FAM20A: variants seen among roughly 807,000 people sequenced by gnomAD.
FAM20A encodes the protein FAM20A golgi associated secretory pathway pseudokinase, also known as pseudokinase FAM20A.
Under a neutral mutation model 52.0 loss-of-function variants are expected in FAM20A, and 42 were observed. The observed-to-expected ratio is 0.81, with a 90% CI of 0.63 to 1.04. The LOEUF (loss-of-function observed/expected upper bound fraction) is 1.04. FAM20A is among the 50% of genes least tolerant of loss of function. FAM20A has a pLI of 0.00. For missense variants in FAM20A, 742 were observed against 712.7 expected, an observed-to-expected ratio of 1.04 and a Z score of -0.47; for synonymous variants, 304 against 298.9, an observed-to-expected ratio of 1.02 and a Z score of -0.18.
Position 68,535,595 on chromosome 17 carries a change from T to C in FAM20A, c.*1882A>G. ...GTGAATGAAGTGGGGAGCCCTATGC[T>C]GCAGTAGGGCCACAACAGTTAAGGA... On this transcript the variant is annotated 3_prime_UTR_variant, in exon 11 of 11. Coordinates refer to ENST00000592554, the MANE Select transcript of FAM20A (RefSeq NM_017565.4). 1 of 454,096 alleles carries C rather than the reference T, an allele frequency of 2.2e-6. No homozygotes were observed. Among genetic ancestry groups the C allele is most frequent in the Middle Eastern group, 6.9e-4 (1 of 1,444 alleles). 28.1% of individuals were successfully genotyped at this position (454,096 alleles called of 1,614,324 possible).
chr17:68,567,573 CA>C (rs1685857003), intron 1 of FAM20A, among the ~76,000 whole-genome samples: 1 of 150,270 alleles, frequency 6.7e-6, no homozygotes, highest in South Asian at 2.1e-4. Flanking sequence ...AAAGTGAGGA[CA>C]GGGGAGGAAG....
At chr17:68,538,124 C>A (rs541193154) in intron 10 of FAM20A, among the ~76,000 whole-genome samples, 2 of 152,326 alleles carry the variant, frequency 1.3e-5, no homozygotes, top group African/African-American at 2.4e-5. Flanking sequence ...TATTTGCTGT[C>A]TCAAAATCCC....
chr17:68,581,407 TTTCTTTC>T (rs1421177546), intron 1 of FAM20A, among the ~76,000 whole-genome samples: 1 of 147,500 alleles, frequency 6.8e-6, no homozygotes, highest in Non-Finnish European at 1.5e-5. Context: ...TCTTTCTTTC[TTTCTTTC>T]TTTTTCTCTT....
At chr17:68,560,464 GGCTTAA>G (rs1285472176) in intron 1 of FAM20A, among the ~76,000 whole-genome samples, 1 of 152,108 alleles carries the variant, frequency 6.6e-6, no homozygotes, top group African/African-American at 2.4e-5. Context: ...ATCTGCTGGT[GGCTTAA>G]TCTTGGACTT....
chr17:68,557,870 C>T (rs1191231471), intron 1 of FAM20A, among the ~76,000 whole-genome samples: 1 of 152,132 alleles, frequency 6.6e-6, no homozygotes, highest in Admixed American at 6.5e-5. Context: ...TTATGGTAAG[C>T]AGGATTCTAA....
rs1382389033 is a variant in FAM20A at position 68,536,550 on chromosome 17, G to C, written c.*927C>G. The stretch of plus-strand genomic sequence containing the variant: ...GCCGTCACAGGGAGGGGCATCTAGA[G>C]GGCCTCACCTTTCCACATAGCCCCT... On this transcript the variant is annotated 3_prime_UTR_variant, in exon 11 of 11. Transcript: ENST00000592554. The C allele has an allele frequency of 4.4e-6, 2 of 454,048 alleles. No homozygotes were observed. Among genetic ancestry groups the C allele is most frequent in the Admixed American group, 4.7e-5 (2 of 42,572 alleles). 28.1% of individuals were successfully genotyped at this position (454,048 alleles called of 1,614,324 possible).
rs182502429 is a variant in FAM20A at position 68,543,815 on chromosome 17, G to A, written c.720-94C>T. 61 of 1,092,084 alleles carry A rather than the reference G, an allele frequency of 5.6e-5. No individual in the cohort carries two copies. The East Asian group carries it at 1.0e-3, about 19-fold the overall frequency. 67.6% of individuals were successfully genotyped at this position (1,092,084 alleles called of 1,614,324 possible). On this transcript the variant is annotated intron_variant, in intron 4 of 10. Coordinates refer to ENST00000592554, the MANE Select transcript of FAM20A (RefSeq NM_017565.4). ...AGCATGACCAGCGAGAAAGGAAAAC[G>A]GGCTTTTATGCTTTTCATGTACACA... is the stretch of plus-strand genomic sequence containing the variant.
intron 1 of FAM20A, among the ~76,000 whole-genome samples, chr17:68,586,253 T>G (rs1356553763): frequency 6.6e-6 from 1 of 152,236 alleles, no homozygotes; most frequent in East Asian, 1.9e-4. Flanking sequence ...GATATAGGTA[T>G]AGATAATCTA....
rs1463294398 is a variant in FAM20A at position 68,600,246 on chromosome 17, C to T, written c.404+17G>A. 6.4e-7 allele frequency: 1 copy of T among 1,553,294 alleles called. No individual in the cohort carries two copies. Among genetic ancestry groups the T allele is most frequent in the South Asian group, 1.2e-5 (1 of 84,226 alleles). On this transcript the variant is annotated intron_variant, in intron 1 of 10. Coordinates refer to ENST00000592554, the MANE Select transcript of FAM20A (RefSeq NM_017565.4). This position sits in a 1 kb window ranked among gnomAD's most constrained non-coding sequence, Gnocchi z 6.2. ...GCCAGAGCGCCCGCTCTCCCGCGTC[C>T]CGGGCGGGGTCCTCACCTGTTCCAG...
At chr17:68,579,597 A>G (rs1395532834) in intron 1 of FAM20A, among the ~76,000 whole-genome samples, 3 of 152,178 alleles carry the variant, frequency 2.0e-5, no homozygotes, top group Non-Finnish European at 2.9e-5. Flanking sequence ...GTTCTGTTAG[A>G]GCAACAGCTT....
chr17:68,560,317 C>G (rs934483296), intron 1 of FAM20A, among the ~76,000 whole-genome samples: 6 of 149,128 alleles, frequency 4.0e-5, no homozygotes, highest in African/African-American at 1.5e-4. Flanking sequence ...TGCACTCTGG[C>G]CTGGCGACAG....
At chr17:68,542,353 G>A (rs540634415) in intron 6 of FAM20A, among the ~76,000 whole-genome samples, 188 bp from the exon 7 acceptor site, 1 of 152,278 alleles carries the variant, frequency 6.6e-6, no homozygotes, top group East Asian at 1.9e-4. Flanking sequence ...TGAACCTCCT[G>A]GGAACCTGCT....
At chr17:68,569,915 G>C (rs1041793195) in intron 1 of FAM20A, among the ~76,000 whole-genome samples, 8 of 152,120 alleles carry the variant, frequency 5.3e-5, no homozygotes, top group Admixed American at 5.2e-4. Flanking sequence ...CTCTGTTTCT[G>C]TGTTGCGTTG....
At chr17:68,554,932 G>T in intron 2 of FAM20A, 105 bp from the exon 3 acceptor site, 1 of 1,216,122 alleles carries the variant, frequency 8.2e-7, no homozygotes, top group Non-Finnish European at 1.2e-6. Context: ...AGGGGAGACT[G>T]TGATGTAGCC....
intron 1 of FAM20A, among the ~76,000 whole-genome samples, chr17:68,580,009 T>C (rs1042132636): frequency 1.3e-5 from 2 of 152,018 alleles, no homozygotes; most frequent in African/African-American, 4.8e-5. Flanking sequence ...ATTAATAGTT[T>C]GCATTTGCAT....
At chr17:68,553,383 A>T (rs1429299951) in intron 3 of FAM20A, among the ~76,000 whole-genome samples, 5 of 152,226 alleles carry the variant, frequency 3.3e-5, no homozygotes, top group Non-Finnish European at 7.3e-5. Context: ...AGAGCAGTGT[A>T]AAAATGGACT....
At chr17:68,548,723 A>ATTTTTTTT (rs200833117) in intron 4 of FAM20A, among the ~76,000 whole-genome samples, 4 of 117,944 alleles carry the variant, frequency 3.4e-5, no homozygotes, top group Admixed American at 8.8e-5. Flanking sequence ...CTATGCCTGT[A>ATTTTTTTT]TATTTTTTTT....
At chr17:68,550,763 G>A (rs916468926) in intron 4 of FAM20A, among the ~76,000 whole-genome samples, 1 of 152,152 alleles carries the variant, frequency 6.6e-6, no homozygotes, top group Non-Finnish European at 1.5e-5. Flanking sequence ...TAGTCCACTG[G>A]ACTCCCTGAG....
intron 1 of FAM20A, among the ~76,000 whole-genome samples, chr17:68,594,268 G>A (rs947871379): frequency 2.6e-5 from 4 of 151,708 alleles, no homozygotes; most frequent in Admixed American, 6.6e-5. Flanking sequence ...GCGTAGTGGC[G>A]GGCGCCTGTA....
Sources: allele counts gnomAD v4.1 joint callset (sites outside exome capture counted in the v4.1 genomes callset), GRCh38; gene constraint gnomAD v4.1.1; non-coding constraint Gnocchi (gnomAD v3.1); transcripts MANE v1.5; gene names NCBI Gene and HGNC (gene_info 2026-07-23, HGNC 2026-07-21).